ZMAT4: variants seen among roughly 807,000 people sequenced by gnomAD.
ZMAT4 encodes the protein zinc finger matrin-type 4, also known as zinc finger matrin-type protein 4.
In ZMAT4, 17 loss-of-function variants were observed where a neutral mutation model predicts 28.7. The observed-to-expected ratio is 0.59, with a 90% CI of 0.41 to 0.89. ZMAT4 has a LOEUF of 0.89. ZMAT4 is among the 40% of genes least tolerant of loss of function. The pLI is 0.00. For synonymous variants in ZMAT4, 117 were observed against 109.2 expected (o/e 1.07, Z -0.44); for missense variants, 240 against 283.8 (o/e 0.85, Z 1.11).
chr8:40,815,721 A>G (rs1815505988), intron 2 of ZMAT4, among the ~76,000 whole-genome samples: 2 of 152,228 alleles, frequency 1.3e-5, no homozygotes, highest in African/African-American at 4.8e-5. Context: ...CACTTGGCAC[A>G]CAGGCTCCAA....
chr8:40,718,066 A>G (rs1208082666), intron 3 of ZMAT4, among the ~76,000 whole-genome samples: 2 of 152,222 alleles, frequency 1.3e-5, no homozygotes, highest in Admixed American at 1.3e-4. Flanking sequence ...GATCCAATCC[A>G]GGATACCACA....
In ZMAT4 at chr8:40,567,381, G is replaced by A. The variant is rs376967780; in HGVS notation, c.674+13784C>T. ...ATATTCTGAATGAGGTATAGATTCT[G>A]GTTACATCTGGCTATTCTTAACACA... On this transcript the variant is annotated intron_variant, in intron 6 of 6. Transcript: ENST00000297737. Among the ~76,000 whole-genome samples, 10 of 152,116 alleles carry A rather than the reference G, an allele frequency of 6.6e-5. No homozygotes were observed. In the East Asian group the frequency reaches 7.7e-4, roughly 12 times the overall value.
intron 3 of ZMAT4, among the ~76,000 whole-genome samples, chr8:40,703,743 G>T (rs1289907563): frequency 2.0e-5 from 3 of 152,266 alleles, no homozygotes; most frequent in African/African-American, 7.2e-5. Context: ...TGTGACATAT[G>T]AATTGTATCT....
intron 1 of ZMAT4, among the ~76,000 whole-genome samples, chr8:40,878,054 A>G (rs979863039): frequency 1.3e-5 from 2 of 152,214 alleles, no homozygotes; most frequent in Non-Finnish European, 1.5e-5. Context: ...GAATAACACA[A>G]TAGCCACTGA....
chr8:40,789,012 A>G (rs56193558), intron 2 of ZMAT4, among the ~76,000 whole-genome samples: 92,090 of 125,896 alleles, frequency 0.73, 33,193 homozygotes, highest in Middle Eastern at 0.82. Flanking sequence ...AGGAAGGAAA[A>G]GAGGAAGGGA....
At chr8:40,632,073 G>A (rs1024214964) in intron 5 of ZMAT4, among the ~76,000 whole-genome samples, 1 of 152,124 alleles carries the variant, frequency 6.6e-6, no homozygotes, top group African/African-American at 2.4e-5. Context: ...GGTCCAACTG[G>A]TGAAACAGAG....
intron 5 of ZMAT4, among the ~76,000 whole-genome samples, chr8:40,646,748 G>T (rs13271707): frequency 0.21 from 32,434 of 152,036 alleles, 3,680 homozygotes; most frequent in Non-Finnish European, 0.27. Context: ...TCATTCAACT[G>T]TAATAGTTAG....
intron 5 of ZMAT4, among the ~76,000 whole-genome samples, chr8:40,651,979 C>T (rs1243614231): frequency 9.8e-6 from 1 of 101,960 alleles, no homozygotes; most frequent in Non-Finnish European, 2.1e-5. Context: ...CATAAAAACC[C>T]TAGAAGAAAA....
At chr8:40,876,230 C>A (rs555014434) in intron 1 of ZMAT4, among the ~76,000 whole-genome samples, 3 of 152,136 alleles carry the variant, frequency 2.0e-5, no homozygotes, top group African/African-American at 7.2e-5. Context: ...CTCCTCAACA[C>A]GAAGACAATG....
At chr8:40,824,095 G>C (rs569140239) in intron 2 of ZMAT4, among the ~76,000 whole-genome samples, 2 of 152,132 alleles carry the variant, frequency 1.3e-5, no homozygotes, top group Non-Finnish European at 2.9e-5. Flanking sequence ...TGTTATTATA[G>C]TTATTTTTAT....
At chr8:40,750,216 A>G (rs1017251759) in intron 3 of ZMAT4, among the ~76,000 whole-genome samples, 7 of 152,142 alleles carry the variant, frequency 4.6e-5, no homozygotes, top group South Asian at 2.1e-4. Flanking sequence ...AAATATATAT[A>G]TATATTCTTA....
At chr8:40,580,425 TG>T (rs1344279772) in intron 6 of ZMAT4, among the ~76,000 whole-genome samples, 1 of 152,210 alleles carries the variant, frequency 6.6e-6, no homozygotes, top group Non-Finnish European at 1.5e-5. Context: ...CAGTCCAATA[TG>T]TTAAATGATC....
intron 5 of ZMAT4, among the ~76,000 whole-genome samples, chr8:40,607,469 G>T (rs1397042487): frequency 6.6e-6 from 1 of 151,924 alleles, no homozygotes; most frequent in Admixed American, 6.6e-5. Context: ...CTTTGAGTTG[G>T]TATTCACCTT....
At chr8:40,537,295 A>G (rs1802877610) in intron 6 of ZMAT4, among the ~76,000 whole-genome samples, 1 of 152,208 alleles carries the variant, frequency 6.6e-6, no homozygotes, top group Admixed American at 6.5e-5. Context: ...GATCTGATGA[A>G]CATAACAATT....
intron 1 of ZMAT4, among the ~76,000 whole-genome samples, chr8:40,835,390 T>A (rs979562172): frequency 2.0e-5 from 3 of 152,110 alleles, no homozygotes; most frequent in Non-Finnish European, 4.4e-5. Context: ...AAGAATAGGC[T>A]CCTACCCTCC....
chr8:40,793,426 G>T (rs917154590), intron 2 of ZMAT4, among the ~76,000 whole-genome samples: 1 of 151,948 alleles, frequency 6.6e-6, no homozygotes, highest in African/African-American at 2.4e-5. Flanking sequence ...AGGAAGACAA[G>T]TTCCAGAGCC....
intron 1 of ZMAT4, among the ~76,000 whole-genome samples, chr8:40,890,409 GATGA>G (rs1818627405): frequency 6.6e-6 from 1 of 152,134 alleles, no homozygotes; most frequent in African/African-American, 2.4e-5. Flanking sequence ...TCCTCCCGGG[GATGA>G]ATAATTCCTC....
At chr8:40,606,901 T>A (rs188518753) in intron 5 of ZMAT4, among the ~76,000 whole-genome samples, 218 of 152,254 alleles carry the variant, frequency 1.4e-3, no homozygotes, top group East Asian at 6.0e-3. Context: ...TTCATTTTTT[T>A]AAAAATCCTT....
At chr8:40,697,032 A>C in intron 4 of ZMAT4, 1 of 474,408 alleles carries the variant, frequency 2.1e-6, no homozygotes, top group Non-Finnish European at 3.7e-6. Context: ...ATCGAAAGGA[A>C]CTAGGGTGAT....
Sources: allele counts gnomAD v4.1 joint callset (sites outside exome capture counted in the v4.1 genomes callset), GRCh38; gene constraint gnomAD v4.1.1; transcripts MANE v1.5; gene names NCBI Gene and HGNC (gene_info 2026-07-23, HGNC 2026-07-21).